Variants in TMEM219 observed in about 807,000 individuals in gnomAD.
TMEM219 encodes the protein transmembrane protein 219.
TMEM219 carries 18 observed loss-of-function variants against 17.9 expected under a neutral mutation model. The observed-to-expected ratio is 1.01, with a 90% CI of 0.70 to 1.49. TMEM219 has a LOEUF of 1.49. Among genes scored for constraint, TMEM219 ranks in the 40% most tolerant of loss-of-function variants. The probability of loss-of-function intolerance (pLI) is 0.00; values close to 1 mark genes in which losing one functional copy is unlikely to be tolerated. For missense variants in TMEM219, 288 were observed against 292.4 expected (o/e 0.99, Z 0.11); for synonymous variants, 113 against 124.0 (o/e 0.91, Z 0.59).
At chr16:29,969,430 C>T (rs1567231545) in intron 4 of TMEM219, among the ~76,000 whole-genome samples, 1 of 151,910 alleles carries the variant, frequency 6.6e-6, no homozygotes, top group South Asian at 2.1e-4. Flanking sequence ...CTCCTGACCT[C>T]GTGATCCACC....
chr16:29,971,175 G>A (rs1216777030), intron 4 of TMEM219, among the ~76,000 whole-genome samples: 2 of 151,826 alleles, frequency 1.3e-5, no homozygotes, highest in African/African-American at 4.8e-5. Flanking sequence ...GAACCCAGGA[G>A]GCGGAGCTTG....
chr16:29,966,963 G>T (rs375269606), intron 3 of TMEM219, among the ~76,000 whole-genome samples: 52 of 151,562 alleles, frequency 3.4e-4, no homozygotes, highest in South Asian at 2.1e-3. Flanking sequence ...TTTCTACATG[G>T]AAATTTTCCC....
chr16:29,968,072 G>A lies in TMEM219; in HGVS notation c.403G>A (p.Glu135Lys). ...CCTTATCACAGCCAGGGTGACCACA[G>A]AAAGGACTGCAGGAACCTGCCTATA... Reference protein sequence around the residue: ...LVLITARVTTERTAGTCLYFS... With the variant: ...LVLITARVTTKRTAGTCLYFS... The change falls in exon 4 of 6, where the codon GAA (glutamate) becomes AAA (lysine). Residue 135 changes from glutamate to lysine, a missense_variant. Transcript: ENST00000279396. The A allele has an allele frequency of 6.2e-7, 1 of 1,614,190 alleles. No individual in the cohort carries two copies. The highest frequency in any genetic ancestry group is 1.1e-5 in the South Asian group (1 of 91,086).
At chr16:29,970,026 G>C (rs1408828760) in intron 4 of TMEM219, among the ~76,000 whole-genome samples, 2 of 152,108 alleles carry the variant, frequency 1.3e-5, no homozygotes, top group Non-Finnish European at 2.9e-5. Context: ...TGGATCACTT[G>C]AGGTCAGGAC....
At chr16:29,965,458 C>G (rs1596577176) in intron 3 of TMEM219, among the ~76,000 whole-genome samples, 1 of 151,762 alleles carries the variant, frequency 6.6e-6, no homozygotes, top group African/African-American at 2.4e-5. Context: ...GTGGCTCATG[C>G]CTGTAATCCC....
chr16:29,962,317 G>A lies in TMEM219; in HGVS notation c.-38+185G>A, dbSNP rs1191431483. Among the ~76,000 whole-genome samples, 3 of 152,152 alleles carry A rather than the reference G, an allele frequency of 2.0e-5. No individual in the cohort carries two copies. The East Asian group carries it at 5.8e-4, about 29-fold the overall frequency. ...GCCGGACGGGAGGCGGGGCAGGGCTGAGCATTTGTGACACCTACATTTCCG... is the reference window on the plus strand; with the variant it reads ...GCCGGACGGGAGGCGGGGCAGGGCTAAGCATTTGTGACACCTACATTTCCG... On this transcript the variant is annotated intron_variant, in intron 1 of 5. Transcript: ENST00000279396.
chr16:29,968,130 G>A lies in TMEM219; in HGVS notation c.461G>A (p.Ser154Asn). The change falls in exon 4 of 6, where the codon AGC becomes AAC. Residue 154 changes from serine to asparagine, a missense_variant. Transcript: ENST00000279396. ...FSAVPGILPSSQPPISCSEEG... is the reference protein window; with the variant it reads ...FSAVPGILPSNQPPISCSEEG... Reference sequence around the variant, plus strand: ...GCTGTTCCAGGAATCCTACCCTCCAGCCAGCCACCCATATCCTGCTCAGAG... The same window carrying A: ...GCTGTTCCAGGAATCCTACCCTCCAACCAGCCACCCATATCCTGCTCAGAG... 1 of 1,614,104 alleles carries A rather than the reference G, an allele frequency of 6.2e-7. No individual in the cohort carries two copies. The highest frequency in any genetic ancestry group is 8.5e-7 in the Non-Finnish European group (1 of 1,180,012).
intron 4 of TMEM219, 112 bp downstream of exon 4, chr16:29,968,366 C>A: frequency 1.2e-6 from 1 of 846,568 alleles, no homozygotes; most frequent in Non-Finnish European, 1.9e-6. Flanking sequence ...GTTTTATAAC[C>A]CTGCCTTGGG....
At chr16:29,970,959 A>G (rs1189701036) in intron 4 of TMEM219, among the ~76,000 whole-genome samples, 1 of 151,616 alleles carries the variant, frequency 6.6e-6, no homozygotes, top group Middle Eastern at 3.4e-3. Flanking sequence ...GAAAAAAAAA[A>G]AAAAGGGCCA....
At chr16:29,970,247 A>G (rs994652098) in intron 4 of TMEM219, among the ~76,000 whole-genome samples, 1 of 152,018 alleles carries the variant, frequency 6.6e-6, no homozygotes, top group African/African-American at 2.4e-5. Context: ...TAAAGAAAAA[A>G]AGAAAAGACC....
chr16:29,962,636 G>A (rs1239914425), intron 1 of TMEM219: 1 of 156,578 alleles, frequency 6.4e-6, no homozygotes, highest in East Asian at 1.9e-4. Context: ...CATCCGCCAC[G>A]TTTAATCCTT....
At chr16:29,970,887 T>C (rs1186013469) in intron 4 of TMEM219, among the ~76,000 whole-genome samples, 1 of 148,076 alleles carries the variant, frequency 6.8e-6, no homozygotes, top group Non-Finnish European at 1.5e-5. Flanking sequence ...GAGGTTGCAG[T>C]GAGCCGAGAT....
chr16:29,966,081 G>A (rs141515107), intron 3 of TMEM219, among the ~76,000 whole-genome samples: 1 of 151,992 alleles, frequency 6.6e-6, no homozygotes, highest in East Asian at 1.9e-4. Context: ...TGTTGCCCAG[G>A]CTAGTTTCAA....
At chr16:29,970,159 G>A (rs2150866391) in intron 4 of TMEM219, among the ~76,000 whole-genome samples, 1 of 151,380 alleles carries the variant, frequency 6.6e-6, no homozygotes, top group African/African-American at 2.4e-5. Context: ...TCTGGAACCT[G>A]GGAGGCAGAG....
chr16:29,967,390 C>T (rs1233818940), intron 3 of TMEM219, among the ~76,000 whole-genome samples: 2 of 152,088 alleles, frequency 1.3e-5, no homozygotes, highest in African/African-American at 2.4e-5. Flanking sequence ...AGCAGGATGG[C>T]TTGAGCCCAG....
At chr16:29,966,177 A>G (rs2069210973) in intron 3 of TMEM219, among the ~76,000 whole-genome samples, 1 of 152,152 alleles carries the variant, frequency 6.6e-6, no homozygotes, top group South Asian at 2.1e-4. Context: ...CGTATTACCC[A>G]ATTGTTTTAT....
chr16:29,971,374 GTCC>G (rs754279386), intron 4 of TMEM219, 31 bp from the exon 5 acceptor site: 3 of 1,612,696 alleles, frequency 1.9e-6, no homozygotes, highest in African/African-American at 1.3e-5. Flanking sequence ...GGATTAACAT[GTCC>G]TCCTCCTCCT....
intron 3 of TMEM219, among the ~76,000 whole-genome samples, chr16:29,967,640 G>A (rs1263324775): frequency 6.6e-6 from 1 of 152,066 alleles, no homozygotes; most frequent in Non-Finnish European, 1.5e-5. Flanking sequence ...GAAAATACAA[G>A]AAAAGGGCCG....
chr16:29,971,610 A>C, intron 5 of TMEM219, 32 bp downstream of exon 5: 1 of 387,842 alleles, frequency 2.6e-6, no homozygotes, highest in Non-Finnish European at 4.9e-6. Flanking sequence ...CTGCGGGAGC[A>C]GGGAATGGGG....
Sources: allele counts gnomAD v4.1 joint callset (sites outside exome capture counted in the v4.1 genomes callset), GRCh38; gene constraint gnomAD v4.1.1; transcripts MANE v1.5; gene names NCBI Gene and HGNC (gene_info 2026-07-23, HGNC 2026-07-21).